The following CHDH variants were observed in gnomAD, a reference collection of about 807,000 sequenced individuals.
CHDH encodes choline dehydrogenase, mitochondrial.
Under a neutral mutation model 56.9 loss-of-function variants are expected in CHDH, and 43 were observed. The observed-to-expected ratio is 0.76, with a 90% CI of 0.59 to 0.97. CHDH has a LOEUF of 0.97. CHDH is among the 50% of genes least tolerant of loss of function. The pLI is 0.00. For synonymous variants in CHDH, 364 were observed against 348.5 expected, an observed-to-expected ratio of 1.04 and a Z score of -0.50; for missense variants, 816 against 821.1, an observed-to-expected ratio of 0.99 and a Z score of 0.08.
At chr3:53,845,844 C>G (rs561683756) in intron 1 of CHDH, among the ~76,000 whole-genome samples, 2 of 152,352 alleles carry the variant, frequency 1.3e-5, no homozygotes, top group Non-Finnish European at 2.9e-5. Flanking sequence ...GGTCGGGCAG[C>G]GGGCACTCCT....
In CHDH at chr3:53,846,362, G is replaced by A. The variant is rs917330254; in HGVS notation, c.-410C>T. The A allele has an allele frequency of 2.2e-6, 1 of 462,824 alleles. No individual in the cohort carries two copies. The highest frequency in any genetic ancestry group is 3.7e-6 in the Non-Finnish European group (1 of 266,854). The allele number at this position is 462,824 out of a possible 1,614,324, so 28.7% of individuals were successfully genotyped here. On this transcript the variant is annotated 5_prime_UTR_variant, in exon 1 of 9. Coordinates refer to ENST00000315251, the MANE Select transcript of CHDH (RefSeq NM_018397.5). ...CGCGGGGGTAGGCGCGCGCCGCGGC[G>A]GCCCGTGCTCCGCCAGCGCTCGGAC...
chr3:53,843,050 ACC>A (rs1698724676), intron 1 of CHDH, among the ~76,000 whole-genome samples: 3 of 152,072 alleles, frequency 2.0e-5, no homozygotes, highest in African/African-American at 7.2e-5. Flanking sequence ...TGGAGGCTGG[ACC>A]CGCAGGACTT....
At chr3:53,839,592 C>T (rs762172269) in intron 2 of CHDH, among the ~76,000 whole-genome samples, 2 of 152,200 alleles carry the variant, frequency 1.3e-5, no homozygotes, top group Non-Finnish European at 2.9e-5. Context: ...CTTTCAGGAA[C>T]CTTTGTACAT....
chr3:53,837,599 G>T (rs958790800), intron 2 of CHDH, among the ~76,000 whole-genome samples: 6 of 152,200 alleles, frequency 3.9e-5, no homozygotes, highest in Non-Finnish European at 8.8e-5. Context: ...AAGTAAGTCT[G>T]CCCTCCTGCC....
chr3:53,828,709 A>T (rs755852700), intron 2 of CHDH, among the ~76,000 whole-genome samples: 4 of 152,196 alleles, frequency 2.6e-5, no homozygotes, highest in Non-Finnish European at 5.9e-5. Context: ...ACTACTATAC[A>T]CATATTAGAA....
chr3:53,818,408 G>A (rs903170173), intron 8 of CHDH, among the ~76,000 whole-genome samples: 9 of 152,160 alleles, frequency 5.9e-5, no homozygotes, highest in Admixed American at 2.0e-4. Flanking sequence ...CATCCTACAC[G>A]GACACAGCCC....
chr3:53,837,467 T>C (rs1480595747), intron 2 of CHDH, among the ~76,000 whole-genome samples: 2 of 152,244 alleles, frequency 1.3e-5, no homozygotes, highest in Non-Finnish European at 2.9e-5. Context: ...GGTGGAGCCC[T>C]GAAGTCTGAC....
At position 53,823,653 on chromosome 3, in the gene CHDH, A is replaced by T. The variant is rs1263572639; in HGVS notation, c.356T>A (p.Val119Glu). 1 of 1,545,240 alleles carries T rather than the reference A, an allele frequency of 6.5e-7. No individual in the cohort carries two copies. Among genetic ancestry groups the T allele is most frequent in the Admixed American group, 2.0e-5 (1 of 50,992 alleles). Residue 119 changes from valine (V) to glutamate (E), a missense_variant, in exon 3 of 9, where the codon GTG (valine) becomes GAG (glutamate). Transcript: ENST00000315251. ...TEVQRGLDGR[V>E]LYWPRGRVWG... ...GACGCGGCCGCGTGGCCAGTACAGCACGCGGCCGTCCAGGCCCCGCTGCAC... is the reference window on the plus strand; with the variant it reads ...GACGCGGCCGCGTGGCCAGTACAGCTCGCGGCCGTCCAGGCCCCGCTGCAC...
rs746250155 is a variant in CHDH at position 53,818,172 on chromosome 3, G to C, written c.1390C>G (p.Leu464Val). 3.7e-6 allele frequency: 6 copies of C among 1,609,956 alleles called. No individual in the cohort carries two copies. The highest frequency in any genetic ancestry group is 1.7e-4 in the Middle Eastern group (1 of 6,038). ...ATTTCTCTGGTGAGCTTCACACACA[G>C]ACGGAAATCCTCAATATCAGTTTCT... is the stretch of plus-strand genomic sequence containing the variant. ...STETDIEDFR[L>V]CVKLTREIFA... Residue 464 changes from leucine to valine, a missense_variant, in exon 9 of 9, where the codon CTG (leucine) becomes GTG (valine). Transcript: ENST00000315251.
chr3:53,820,369 G>T, intron 6 of CHDH, 105 bp downstream of exon 6: 1 of 1,359,568 alleles, frequency 7.4e-7, no homozygotes, highest in Non-Finnish European at 1.0e-6. Context: ...AAATGGCATA[G>T]TTCCGCATCA....
chr3:53,816,021 G>T lies in CHDH; in HGVS notation c.*1756C>A, dbSNP rs1461476122. 6.6e-6 allele frequency: 1 copy of T among 152,066 alleles called. No individual in the cohort carries two copies. The highest frequency in any genetic ancestry group is 2.4e-5 in the African/African-American group (1 of 41,370). The allele number at this position is 152,066 out of a possible 1,614,324, so 9.4% of individuals were successfully genotyped here. A position where few individuals can be genotyped will look rare whatever the true frequency, so the allele number is the denominator to read the frequency against. On this transcript the variant is annotated 3_prime_UTR_variant, in exon 9 of 9. Coordinates refer to ENST00000315251, the MANE Select transcript of CHDH (RefSeq NM_018397.5). ...CGAACAAAAATTTTAAAAAATACAG[G>T]TAAGATTAAACAAGAGCTGCTTAAG...
At chr3:53,835,027 C>T (rs1016378926) in intron 2 of CHDH, among the ~76,000 whole-genome samples, 1 of 152,172 alleles carries the variant, frequency 6.6e-6, no homozygotes, top group African/African-American at 2.4e-5. Flanking sequence ...AACCTGGGAG[C>T]ATGTCAACAT....
Position 53,820,580 on chromosome 3 carries a change from C to T in CHDH, c.1014G>A (p.Leu338=), listed in dbSNP as rs751307248. The change falls in exon 6 of 9, where the codon CTG becomes CTA. Residue 338 remains leucine, a synonymous_variant. Coordinates refer to ENST00000315251, the MANE Select transcript of CHDH (RefSeq NM_018397.5). ...PGVGQNLQDH[L]EIYIQQACTR... is the part of the protein sequence containing the mutation. ...TGCATGCCTGCTGAATGTAGATCTC[C>T]AGGTGGTCTTGCAGGTTCTGGCCAA... The T allele has an allele frequency of 5.0e-6, 8 of 1,604,842 alleles. No homozygotes were observed. Among genetic ancestry groups the T allele is most frequent in the African/African-American group, 2.7e-5 (2 of 72,930 alleles).
At position 53,815,279 on chromosome 3, in the gene CHDH, AG is replaced by A. The variant is rs2095613891; in HGVS notation, c.*2497del. The A allele has an allele frequency of 1.3e-5, 2 of 152,236 alleles. No individual in the cohort carries two copies. Among genetic ancestry groups the A allele is most frequent in the South Asian group, 4.1e-4 (2 of 4,832 alleles). 9.4% of individuals were successfully genotyped at this position (152,236 alleles called of 1,614,324 possible). Reference sequence around the variant, plus strand: ...CGTTTCTCTGTTTTTAGGTACTGCAAGCTTTTGGCCAAGGGGCCCAATTCCC... The same window carrying A: ...CGTTTCTCTGTTTTTAGGTACTGCAACTTTTGGCCAAGGGGCCCAATTCCC... On this transcript the variant is annotated 3_prime_UTR_variant, in exon 9 of 9. Coordinates refer to ENST00000315251, the MANE Select transcript of CHDH (RefSeq NM_018397.5).
chr3:53,825,637 G>A (rs979713745), intron 2 of CHDH, among the ~76,000 whole-genome samples: 2 of 152,138 alleles, frequency 1.3e-5, no homozygotes, highest in African/African-American at 2.4e-5. Context: ...GGAAAGAAGA[G>A]ACAGAGAACA....
intron 1 of CHDH, among the ~76,000 whole-genome samples, chr3:53,845,258 C>G (rs550346018): frequency 6.6e-6 from 1 of 152,322 alleles, no homozygotes; most frequent in South Asian, 2.1e-4. Flanking sequence ...CCTGGCTGAT[C>G]CCCAGTCCAT....
At chr3:53,828,658 A>G (rs1372163575) in intron 2 of CHDH, among the ~76,000 whole-genome samples, 1 of 152,252 alleles carries the variant, frequency 6.6e-6, no homozygotes, top group African/African-American at 2.4e-5. Flanking sequence ...CGTCCACATC[A>G]TATGTCATCA....
chr3:53,827,568 T>TCCTA (rs771114632), intron 2 of CHDH, among the ~76,000 whole-genome samples: 30 of 152,132 alleles, frequency 2.0e-4, no homozygotes, highest in Non-Finnish European at 4.0e-4. Context: ...CAGAGAGGTA[T>TCCTA]GATTGAGCCA....
chr3:53,824,537 T>C (rs1378052297), intron 2 of CHDH, among the ~76,000 whole-genome samples: 1 of 152,128 alleles, frequency 6.6e-6, no homozygotes, highest in Non-Finnish European at 1.5e-5. Flanking sequence ...GTTTAGGGCC[T>C]GGGAAAAGGA....
Sources: allele counts gnomAD v4.1 joint callset (sites outside exome capture counted in the v4.1 genomes callset), GRCh38; gene constraint gnomAD v4.1.1; transcripts MANE v1.5; gene names NCBI Gene and HGNC (gene_info 2026-07-23, HGNC 2026-07-21).